SGCZ: variants seen among roughly 807,000 people sequenced by gnomAD.
SGCZ encodes the protein zeta-sarcoglycan.
SGCZ carries 40 observed loss-of-function variants against 41.3 expected under a neutral mutation model. The ratio of observed to expected loss-of-function variants is 0.97; its 90% CI spans 0.75 to 1.26. The LOEUF (loss-of-function observed/expected upper bound fraction) is 1.26. SGCZ is among the 50% of genes most tolerant of loss of function. The probability of loss-of-function intolerance (pLI) is 0.00; values close to 1 mark genes in which losing one functional copy is unlikely to be tolerated. For synonymous variants in SGCZ, 206 were observed against 137.5 expected, an observed-to-expected ratio of 1.50 and a Z score of -3.49; for missense variants, 552 against 369.8, an observed-to-expected ratio of 1.49 and a Z score of -4.04.
In SGCZ at chr8:15,221,015, G is replaced by A. The variant is rs116673153; in HGVS notation, c.39+16570C>T. On this transcript the variant is annotated intron_variant, in intron 1 of 7. Transcript: ENST00000382080. ...ACATCACACACAGGGGCCGGTCGTC[G>A]GGTAGGGTATAGGGGGAGGGATAGC... 7.5e-3 allele frequency among the ~76,000 whole-genome samples: 1,142 copies of A among 152,134 alleles called. 15 individuals are homozygous for A. The highest frequency in any genetic ancestry group is 0.026 in the African/African-American group (1,074 of 41,504).
At chr8:14,306,719 T>A (rs575312336) in intron 3 of SGCZ, among the ~76,000 whole-genome samples, 1 of 152,200 alleles carries the variant, frequency 6.6e-6, no homozygotes, top group Non-Finnish European at 1.5e-5. Context: ...TAAATTTGCA[T>A]GCATTTGCAT....
chr8:14,288,265 T>C (rs972444616), intron 3 of SGCZ, among the ~76,000 whole-genome samples: 2 of 152,166 alleles, frequency 1.3e-5, no homozygotes, highest in African/African-American at 4.8e-5. Context: ...TAATTTTTTA[T>C]TGCATTGAAA....
At chr8:14,438,610 T>C (rs913266258) in intron 2 of SGCZ, among the ~76,000 whole-genome samples, 1 of 152,108 alleles carries the variant, frequency 6.6e-6, no homozygotes, top group South Asian at 2.1e-4. Context: ...AATTGATTTG[T>C]AATGGAAATT....
At chr8:14,300,901 C>A (rs1032086982) in intron 3 of SGCZ, among the ~76,000 whole-genome samples, 43 of 151,816 alleles carry the variant, frequency 2.8e-4, no homozygotes, top group Admixed American at 1.3e-3. Flanking sequence ...TTAAAGGTGG[C>A]CAAACAAGAG....
intron 3 of SGCZ, among the ~76,000 whole-genome samples, chr8:14,248,549 C>A (rs1031057389): frequency 6.6e-6 from 1 of 151,540 alleles, no homozygotes; most frequent in East Asian, 1.9e-4. Flanking sequence ...TAAGAAGACT[C>A]TGTATTCTAA....
intron 1 of SGCZ, chr8:14,690,438 A>C (rs1808762397): frequency 6.6e-6 from 1 of 152,108 alleles, no homozygotes; most frequent in Non-Finnish European, 1.5e-5. Context: ...GATCAAGCTA[A>C]AGGATGATGA....
chr8:14,759,944 T>C (rs1040473236), intron 1 of SGCZ, among the ~76,000 whole-genome samples: 1 of 152,218 alleles, frequency 6.6e-6, no homozygotes, highest in Non-Finnish European at 1.5e-5. Flanking sequence ...TTCTTTTTTA[T>C]TTAAAAACTT....
chr8:14,341,495 C>A (rs181919304), intron 2 of SGCZ, among the ~76,000 whole-genome samples: 1 of 151,962 alleles, frequency 6.6e-6, no homozygotes, highest in African/African-American at 2.4e-5. Flanking sequence ...GGGGTAACAT[C>A]ATTTTGAGCT....
chr8:14,673,930 A>G (rs1808189841), intron 1 of SGCZ, among the ~76,000 whole-genome samples: 1 of 152,190 alleles, frequency 6.6e-6, no homozygotes, highest in Admixed American at 6.5e-5. Flanking sequence ...ATTGATAAGA[A>G]GACGTTCAAA....
chr8:14,733,378 C>T (rs1798931020), intron 1 of SGCZ, among the ~76,000 whole-genome samples: 1 of 152,186 alleles, frequency 6.6e-6, no homozygotes, highest in Non-Finnish European at 1.5e-5. Context: ...AACCCTAGTA[C>T]ATCCCCATAT....
intron 1 of SGCZ, among the ~76,000 whole-genome samples, chr8:14,629,687 T>C (rs1405800023): frequency 1.3e-5 from 2 of 151,568 alleles, no homozygotes; most frequent in Admixed American, 6.6e-5. Flanking sequence ...GTCTATGGAA[T>C]GCTTTCAATG....
intron 4 of SGCZ, among the ~76,000 whole-genome samples, chr8:14,236,281 G>A (rs1175937352): frequency 6.6e-6 from 1 of 151,952 alleles, no homozygotes; most frequent in Non-Finnish European, 1.5e-5. Context: ...CTCTATAACT[G>A]CTATATCTCT....
chr8:14,616,896 G>A (rs970688725), intron 1 of SGCZ, among the ~76,000 whole-genome samples: 1 of 151,904 alleles, frequency 6.6e-6, no homozygotes, highest in East Asian at 1.9e-4. Flanking sequence ...AAATTTAGTT[G>A]GAAAGTTACA....
intron 2 of SGCZ, among the ~76,000 whole-genome samples, chr8:14,550,325 T>C (rs1803763703): frequency 6.7e-6 from 1 of 150,020 alleles, no homozygotes; most frequent in Non-Finnish European, 1.5e-5. Context: ...TATTTATATT[T>C]ATGCATTTAT....
intron 1 of SGCZ, among the ~76,000 whole-genome samples, chr8:14,715,713 G>A (rs1809667543): frequency 6.6e-6 from 1 of 152,050 alleles, no homozygotes; most frequent in Admixed American, 6.6e-5. Context: ...TTAGATTAAC[G>A]TCAACCTGTT....
At chr8:14,209,894 T>C (rs1362448039) in intron 4 of SGCZ, among the ~76,000 whole-genome samples, 1 of 151,978 alleles carries the variant, frequency 6.6e-6, no homozygotes, top group East Asian at 1.9e-4. Flanking sequence ...GCTCATTTTA[T>C]CTTATGAATT....
intron 2 of SGCZ, among the ~76,000 whole-genome samples, chr8:14,330,916 G>A (rs1320484598): frequency 1.3e-5 from 2 of 151,942 alleles, no homozygotes; most frequent in African/African-American, 2.4e-5. Context: ...GACTCCAAGA[G>A]CTGCAAGAGA....
At chr8:15,182,141 T>C (rs573557620) in intron 1 of SGCZ, among the ~76,000 whole-genome samples, 3 of 152,316 alleles carry the variant, frequency 2.0e-5, no homozygotes, top group Non-Finnish European at 4.4e-5. Context: ...TTTTTCATCA[T>C]CACATAAAAC....
chr8:14,736,886 G>A (rs1799051483), intron 1 of SGCZ, among the ~76,000 whole-genome samples: 1 of 151,944 alleles, frequency 6.6e-6, no homozygotes, highest in Admixed American at 6.6e-5. Flanking sequence ...TATCTACCCA[G>A]AAAAGAGAAG....
Sources: allele counts gnomAD v4.1 joint callset (sites outside exome capture counted in the v4.1 genomes callset), GRCh38; gene constraint gnomAD v4.1.1; transcripts MANE v1.5; gene names NCBI Gene and HGNC (gene_info 2026-07-23, HGNC 2026-07-21).